Variants in DCAF15 observed in about 807,000 individuals in gnomAD.
DCAF15 encodes DDB1 and CUL4 associated factor 15, also known as DDB1- and CUL4-associated factor 15.
A neutral mutation model predicts 68.0 loss-of-function variants in DCAF15; 24 were observed. The ratio of observed to expected loss-of-function variants is 0.35; its 90% CI spans 0.26 to 0.50. The LOEUF (loss-of-function observed/expected upper bound fraction) is 0.50, where lower values mean the gene tolerates loss of function less well. Ranked by LOEUF, DCAF15 falls within the 20% of genes least tolerant of loss-of-function variation. The pLI is 0.98. For synonymous variants in DCAF15, 376 were observed against 341.6 expected, an observed-to-expected ratio of 1.10 and a Z score of -1.11; for missense variants, 627 against 830.6, an observed-to-expected ratio of 0.75 and a Z score of 3.01.
At position 13,956,443 on chromosome 19, in the gene DCAF15, C is replaced by T; in HGVS notation, c.705C>T (p.Phe235=). The T allele has an allele frequency of 6.2e-7, 1 of 1,613,904 alleles. No homozygotes were observed. The highest frequency in any genetic ancestry group is 8.5e-7 in the Non-Finnish European group (1 of 1,180,026). Residue 235 remains phenylalanine, a synonymous_variant, in exon 6 of 13, where the codon TTC becomes TTT. Coordinates refer to ENST00000254337, the MANE Select transcript of DCAF15 (RefSeq NM_138353.4). Reference sequence around the variant, plus strand: ...CCTTCCCCACCTTCCAGCCCGCCTTCCAGCTCAAGAAGGACCAGGTGGTGC... The same window carrying T: ...CCTTCCCCACCTTCCAGCCCGCCTTTCAGCTCAAGAAGGACCAGGTGGTGC... ...VYPFPTFQPA[F]QLKKDQVVLL... is the part of the protein sequence containing the mutation.
chr19:13,958,935 A>G, intron 6 of DCAF15, 110 bp from the exon 7 acceptor site: 1 of 1,349,838 alleles, frequency 7.4e-7, no homozygotes, highest in Non-Finnish European at 1.0e-6. Context: ...CAGCATAGCC[A>G]AGTCTCCTAG....
intron 3 of DCAF15, among the ~76,000 whole-genome samples, chr19:13,955,704 A>G (rs978135791): frequency 6.6e-6 from 1 of 152,154 alleles, no homozygotes; most frequent in Non-Finnish European, 1.5e-5. Context: ...CATTGTTCCC[A>G]TCGGCTGCAT....
rs201499033 is a variant in DCAF15, at chr19:13,956,254, C to A, written c.605C>A (p.Ala202Asp). The change falls in exon 5 of 13, where the codon GCC (alanine) becomes GAC (aspartate). Residue 202 changes from alanine to aspartate, a missense_variant. Ala to Asp is a moderately radical substitution (Grantham distance 126). Transcript: ENST00000254337. Reference protein sequence around the residue: ...RCAACQDASRAHPGDPNAQCL... With the variant: ...RCAACQDASRDHPGDPNAQCL... Reference sequence around the variant, plus strand: ...GCTGCTTGCCAGGATGCCAGCCGAGCCCACCCAGGTGAGGGGGCCGAGGGG... The same window carrying A: ...GCTGCTTGCCAGGATGCCAGCCGAGACCACCCAGGTGAGGGGGCCGAGGGG... 25 of 1,612,220 alleles carry A rather than the reference C, an allele frequency of 1.6e-5. No homozygotes were observed. The highest frequency in any genetic ancestry group is 2.2e-5 in the South Asian group (2 of 91,044).
chr19:13,960,831 G>C, intron 12 of DCAF15, 109 bp from the exon 13 acceptor site: 2 of 1,413,034 alleles, frequency 1.4e-6, no homozygotes, highest in South Asian at 2.4e-5. Flanking sequence ...AACTCAGCAG[G>C]GTCCCTGCCT....
At chr19:13,957,318 CA>C (rs1181682619) in intron 6 of DCAF15, among the ~76,000 whole-genome samples, 1 of 152,140 alleles carries the variant, frequency 6.6e-6, no homozygotes. Flanking sequence ...CCCCGGGGGC[CA>C]TTTGGCAACA....
chr19:13,960,599 G>T lies in DCAF15; in HGVS notation c.1747+19G>T, dbSNP rs368646088. ...CACAAAGGTGGGGCTCGGTGACCCC[G>T]TGATGGTCAGGGTCACCAGGAACAC... On this transcript the variant is annotated intron_variant, in intron 12 of 12. Coordinates refer to ENST00000254337, the MANE Select transcript of DCAF15 (RefSeq NM_138353.4). 21 of 1,553,242 alleles carry T rather than the reference G, an allele frequency of 1.4e-5. No homozygotes were observed. The African/African-American group carries it at 2.4e-4, about 18-fold the overall frequency.
chr19:13,954,191 C>G, intron 1 of DCAF15, 149 bp from the exon 2 acceptor site: 1 of 675,794 alleles, frequency 1.5e-6, no homozygotes, highest in Non-Finnish European at 2.6e-6. Context: ...CTCAGTTGTT[C>G]CCACCTTCCA....
rs774553832 is a variant in DCAF15, at chr19:13,954,613, C to G, written c.318C>G (p.Ile106Met). The change falls in exon 3 of 13, where the codon ATC (isoleucine) becomes ATG (methionine). Residue 106 changes from isoleucine (I) to methionine (M), a missense_variant. Coordinates refer to ENST00000254337, the MANE Select transcript of DCAF15 (RefSeq NM_138353.4). ...GGGATGACGACTTCTCCTTCTACATCTACCATCTGTACTGGTGGGAGTTCA... is the reference window on the plus strand; with the variant it reads ...GGGATGACGACTTCTCCTTCTACATGTACCATCTGTACTGGTGGGAGTTCA... ...SSGDDDFSFY[I>M]YHLYWWEFNV... 6 of 1,614,212 alleles carry G rather than the reference C, an allele frequency of 3.7e-6. No homozygotes were observed. The South Asian group carries it at 6.6e-5, about 18-fold the overall frequency.
In DCAF15 at chr19:13,956,136, A is replaced by C; in HGVS notation, c.487A>C (p.Asn163His). 4.3e-6 allele frequency: 7 copies of C among 1,609,518 alleles called. No homozygotes were observed. The highest frequency in any genetic ancestry group is 5.9e-6 in the Non-Finnish European group (7 of 1,178,514). ...IVFGFNTRSA[N>H]GMLMNMMMMS... is the part of the protein sequence containing the mutation. ...GCTGGCCCCCAGCACCCGCTCGGCC[A>C]ACGGGATGCTCATGAACATGATGAT... Residue 163 changes from asparagine (N) to histidine (H), a missense_variant, in exon 5 of 13, where the codon AAC (asparagine) becomes CAC (histidine). Asn to His is a moderately conservative substitution (Grantham distance 68, BLOSUM62 1). This residue lies in a region of DCAF15 where 273 missense variants were observed against 393.7 expected (regional missense o/e 0.69). Coordinates refer to ENST00000254337, the MANE Select transcript of DCAF15 (RefSeq NM_138353.4).
At chr19:13,956,774 C>G (rs1279326489) in intron 6 of DCAF15, among the ~76,000 whole-genome samples, 1 of 152,248 alleles carries the variant, frequency 6.6e-6, no homozygotes, top group Admixed American at 6.5e-5. Flanking sequence ...GCTCATGTGA[C>G]TGAGGAACTG....
chr19:13,959,332 C>T lies in DCAF15; in HGVS notation c.1072C>T (p.His358Tyr), dbSNP rs201094441. 18 of 1,606,326 alleles carry T rather than the reference C, an allele frequency of 1.1e-5. No homozygotes were observed. In the East Asian group the frequency reaches 3.8e-4, roughly 34 times the overall value. The change falls in exon 7 of 13, where the codon CAC (histidine) becomes TAC (tyrosine). Residue 358 changes from histidine (H) to tyrosine (Y), a missense_variant. Coordinates refer to ENST00000254337, the MANE Select transcript of DCAF15 (RefSeq NM_138353.4). ...PGPSGSRCRA[H>Y]SEPLALCGET... is the part of the protein sequence containing the mutation. ...ACCCTCTGGCAGCCGCTGCCGTGCGCACTCTGAGCCCCTAGCCCTGTGTGG... is the reference window on the plus strand; with the variant it reads ...ACCCTCTGGCAGCCGCTGCCGTGCGTACTCTGAGCCCCTAGCCCTGTGTGG...
intron 11 of DCAF15, 29 bp downstream of exon 11, chr19:13,960,420 GGC>G: frequency 6.2e-7 from 1 of 1,613,118 alleles, no homozygotes. Flanking sequence ...GCAGGGTCAG[GGC>G]GCGGCCAAGG....
rs1018700766 is a variant in DCAF15, at chr19:13,956,493, T to A, written c.755T>A (p.Val252Glu). 5.0e-6 allele frequency: 8 copies of A among 1,613,246 alleles called. No individual in the cohort carries two copies. Among genetic ancestry groups the A allele is most frequent in the South Asian group, 1.1e-5 (1 of 91,092 alleles). The stretch of plus-strand genomic sequence containing the variant: ...CTGCTCAACACCAGCTACTCCCTGG[T>A]GGCCTGCGCCGTCTCCGTCCACTCG... ...VVLLNTSYSLVACAVSVHSAG... is the reference protein window; with the variant it reads ...VVLLNTSYSLEACAVSVHSAG... Residue 252 changes from valine (V) to glutamate (E), a missense_variant, in exon 6 of 13, where the codon GTG becomes GAG. Physicochemically the swap from Val to Glu is moderately radical, Grantham distance 121. Transcript: ENST00000254337.
At chr19:13,955,845 A>T in intron 3 of DCAF15, 67 bp from the exon 4 acceptor site, 1 of 1,533,152 alleles carries the variant, frequency 6.5e-7, no homozygotes. Context: ...GAGGGACTGC[A>T]TCGTACAGCT....
At chr19:13,953,716 G>T (rs1339736571) in intron 1 of DCAF15, among the ~76,000 whole-genome samples, 3 of 152,252 alleles carry the variant, frequency 2.0e-5, no homozygotes, top group Admixed American at 6.5e-5. Context: ...GCTTCTGCCT[G>T]TCAGTCCCCG....
Position 13,961,185 on chromosome 19 carries a change from A to T in DCAF15, c.*190A>T. 3.0e-6 allele frequency: 2 copies of T among 669,328 alleles called. No individual in the cohort carries two copies. The highest frequency in any genetic ancestry group is 5.1e-6 in the Non-Finnish European group (2 of 394,858). The allele number at this position is 669,328 out of a possible 1,614,324, so 41.5% of individuals were successfully genotyped here. On this transcript the variant is annotated 3_prime_UTR_variant, in exon 13 of 13. Transcript: ENST00000254337. ...GTCTGGACGCTTTTTATTTATGCCT[A>T]TTTAAGTTGGGAAGGGGCAGAGAGA...
At chr19:13,959,707 C>T (rs1568450703) in intron 8 of DCAF15, 34 bp downstream of exon 8, 1 of 1,612,722 alleles carries the variant, frequency 6.2e-7, no homozygotes. Context: ...CAAGGACAGT[C>T]CCGGGGAGCT....
chr19:13,960,171 A>T, intron 10 of DCAF15, 102 bp downstream of exon 10: 1 of 1,571,688 alleles, frequency 6.4e-7, no homozygotes, highest in Non-Finnish European at 8.7e-7. Flanking sequence ...CTGTGCCACA[A>T]CCTGGCTGGG....
rs1973616879 is a variant in DCAF15, at chr19:13,961,098, G to A, written c.*103G>A. On this transcript the variant is annotated 3_prime_UTR_variant, in exon 13 of 13. Transcript: ENST00000254337. ...CTGGCCGGCTGGCCCACCGACTGAT[G>A]ACCGGCACTAGTGTTAGCCTGCGGA... 1.4e-6 allele frequency: 2 copies of A among 1,383,864 alleles called. No homozygotes were observed. Among genetic ancestry groups the A allele is most frequent in the South Asian group, 2.4e-5 (2 of 84,428 alleles). 85.7% of individuals were successfully genotyped at this position (1,383,864 alleles called of 1,614,324 possible). A position where few individuals can be genotyped will look rare whatever the true frequency, so the allele number is the denominator to read the frequency against.
Sources: gnomAD v4.1 joint callset for allele counts (sites outside exome capture counted in the v4.1 genomes callset) on GRCh38, gnomAD v4.1.1 for gene constraint, gnomAD v4.1.1 regional missense constraint, MANE v1.5 for transcripts, NCBI Gene and HGNC (gene_info 2026-07-23, HGNC 2026-07-21) for gene names.